The following ARMH1 variants were observed in gnomAD, a reference collection of about 807,000 sequenced individuals.
ARMH1 encodes armadillo like helical domain containing 1, also known as armadillo-like helical domain containing protein 1.
A neutral mutation model predicts 50.2 loss-of-function variants in ARMH1; 34 were observed. The observed-to-expected ratio is 0.68, with a 90% confidence interval of 0.51 to 0.90. ARMH1 has a LOEUF of 0.90. Ranked by LOEUF, ARMH1 falls within the 40% of genes least tolerant of loss-of-function variation. The probability of loss-of-function intolerance (pLI) is 0.00; values close to 1 mark genes in which losing one functional copy is unlikely to be tolerated. For missense variants in ARMH1, 538 were observed against 553.9 expected (o/e 0.97, Z 0.29); for synonymous variants, 221 against 224.2 (o/e 0.99, Z 0.13).
rs1645318135 is a variant in ARMH1 at position 44,681,652 on chromosome 1, A to T, written c.-23+6779A>T. ...AGCTCTGGTAGATGGCTAGAGAAGG[A>T]GAGGAGAAGGATGGATGTGGATAGA... On this transcript the variant is annotated intron_variant, in intron 1 of 11. Coordinates refer to ENST00000535358, the MANE Select transcript of ARMH1 (RefSeq NM_001145636.2). This position sits in a 1 kb window ranked among gnomAD's most constrained non-coding sequence, Gnocchi z 4.3. 6.6e-6 allele frequency among the ~76,000 whole-genome samples: 1 copy of T among 152,068 alleles called. No homozygotes were observed. Among genetic ancestry groups the T allele is most frequent in the Non-Finnish European group, 1.5e-5 (1 of 68,000 alleles).
At chr1:44,687,822 G>C (rs1645524133) in intron 1 of ARMH1, among the ~76,000 whole-genome samples, 1 of 152,198 alleles carries the variant, frequency 6.6e-6, no homozygotes, top group Non-Finnish European at 1.5e-5. Flanking sequence ...TGTCTTCAAA[G>C]AAGATAGGGG....
intron 6 of ARMH1, among the ~76,000 whole-genome samples, chr1:44,723,092 AGCATTTAT>A (rs1647623381): frequency 6.7e-6 from 1 of 148,754 alleles, no homozygotes. Flanking sequence ...AAAAAAAGGT[AGCATTTAT>A]GCTGGTGTGC....
intron 1 of ARMH1, among the ~76,000 whole-genome samples, chr1:44,676,059 G>A (rs1645130100): frequency 6.6e-6 from 1 of 152,192 alleles, no homozygotes; most frequent in Non-Finnish European, 1.5e-5. Context: ...GATTATGGTG[G>A]CACAAAGCAT....
intron 6 of ARMH1, among the ~76,000 whole-genome samples, chr1:44,712,599 A>T (rs1316759883): frequency 2.0e-5 from 3 of 149,580 alleles, no homozygotes; most frequent in Non-Finnish European, 3.0e-5. Flanking sequence ...CCATATTTTT[A>T]AAATTATGTT....
chr1:44,690,317 C>T (rs753461667), intron 2 of ARMH1, among the ~76,000 whole-genome samples: 27 of 151,960 alleles, frequency 1.8e-4, no homozygotes, highest in Admixed American at 3.9e-4. Context: ...TTAGAACAGA[C>T]ATCTGGTGTT....
rs1645077916 is a variant in ARMH1, at chr1:44,674,866, G to A, written c.-30G>A. On this transcript the variant is annotated 5_prime_UTR_variant, in exon 1 of 12. Coordinates refer to ENST00000535358, the MANE Select transcript of ARMH1 (RefSeq NM_001145636.2). The stretch of plus-strand genomic sequence containing the variant: ...ATCCTCTACCAGCCGCAACTGCGAG[G>A]GCTGGAGGTATAAAACCGTACAAAA... 6.4e-6 allele frequency: 1 copy of A among 155,966 alleles called. No homozygotes were observed. The highest frequency in any genetic ancestry group is 1.7e-4 in the South Asian group (1 of 5,722). 9.7% of individuals were successfully genotyped at this position (155,966 alleles called of 1,614,324 possible). A position where few individuals can be genotyped will look rare whatever the true frequency, so the allele number is the denominator to read the frequency against.
chr1:44,680,254 G>T (rs1645264654), intron 1 of ARMH1, among the ~76,000 whole-genome samples: 2 of 152,234 alleles, frequency 1.3e-5, no homozygotes, highest in Admixed American at 6.5e-5. Context: ...TTGGCTCACT[G>T]CAGCCTCAGC....
intron 6 of ARMH1, among the ~76,000 whole-genome samples, chr1:44,719,677 A>T (rs1647004001): frequency 6.6e-6 from 1 of 152,194 alleles, no homozygotes; most frequent in Non-Finnish European, 1.5e-5. Context: ...AAACAAGTAA[A>T]GTTTGCAGGA....
chr1:44,681,693 G>A lies in ARMH1; in HGVS notation c.-23+6820G>A, dbSNP rs1473231196. Among the ~76,000 whole-genome samples, 1 of 151,996 alleles carries A rather than the reference G, an allele frequency of 6.6e-6. No homozygotes were observed. The highest frequency in any genetic ancestry group is 1.9e-4 in the East Asian group (1 of 5,192). Reference sequence around the variant, plus strand: ...TGTGGATAGAGATGAAGAAAGAAGAGGAGTATGACGACATTCTTACCTAAT... The same window carrying A: ...TGTGGATAGAGATGAAGAAAGAAGAAGAGTATGACGACATTCTTACCTAAT... On this transcript the variant is annotated intron_variant, in intron 1 of 11. Coordinates refer to ENST00000535358, the MANE Select transcript of ARMH1 (RefSeq NM_001145636.2). This position sits in a 1 kb window ranked among gnomAD's most constrained non-coding sequence, Gnocchi z 4.3.
chr1:44,710,083 G>A (rs76671967), intron 6 of ARMH1, among the ~76,000 whole-genome samples: 1,769 of 152,118 alleles, frequency 0.012, 49 homozygotes, highest in African/African-American at 0.039. Context: ...GCGAACTCTC[G>A]CACTAACACA....
At chr1:44,721,775 A>G (rs1262252617) in intron 6 of ARMH1, 2 of 152,162 alleles carry the variant, frequency 1.3e-5, no homozygotes, top group Admixed American at 6.6e-5. Context: ...CTCTTTAGTA[A>G]CAGAACATTC....
chr1:44,724,497 G>T lies in ARMH1; in HGVS notation c.921-42G>T. On this transcript the variant is annotated intron_variant, in intron 8 of 11. Coordinates refer to ENST00000535358, the MANE Select transcript of ARMH1 (RefSeq NM_001145636.2). The surrounding 1 kb of genome is among the most constrained non-coding windows in gnomAD (Gnocchi z 6.4). ...CCGGGTGGGCGGGGGTGTGCGCCGGGTGAGCCCCAGGGCGTCGCCCCAGCC... is the reference window on the plus strand; with the variant it reads ...CCGGGTGGGCGGGGGTGTGCGCCGGTTGAGCCCCAGGGCGTCGCCCCAGCC... The T allele has an allele frequency of 1.3e-6, 2 of 1,512,144 alleles. No individual in the cohort carries two copies. Among genetic ancestry groups the T allele is most frequent in the Non-Finnish European group, 1.8e-6 (2 of 1,133,648 alleles). The allele number at this position is 1,512,144 out of a possible 1,614,324, so 93.7% of individuals were successfully genotyped here.
At chr1:44,698,495 G>T (rs141431319) in intron 4 of ARMH1, among the ~76,000 whole-genome samples, 1,535 of 152,244 alleles carry the variant, frequency 0.01, 27 homozygotes, top group African/African-American at 0.035. Flanking sequence ...TTGTTGAGCT[G>T]TGGCCCAATA....
chr1:44,724,155 A>G lies in ARMH1; in HGVS notation c.758A>G (p.Asp253Gly). Residue 253 changes from aspartate to glycine, a missense_variant, in exon 7 of 12, where the codon GAT (aspartate) becomes GGT (glycine). Coordinates refer to ENST00000535358, the MANE Select transcript of ARMH1 (RefSeq NM_001145636.2). The surrounding 1 kb of genome is among the most constrained non-coding windows in gnomAD (Gnocchi z 6.4). ...IELIKDLVGY[D>G]VRQALLKGLV... is the part of the protein sequence containing the mutation. ...TTGATCAAAGACCTGGTCGGTTACG[A>G]TGTGCGCCAGGCGCTGCTCAAGGGC... is the stretch of plus-strand genomic sequence containing the variant. The G allele has an allele frequency of 6.4e-7, 1 of 1,551,586 alleles. No homozygotes were observed. Among genetic ancestry groups the G allele is most frequent in the African/African-American group, 1.4e-5 (1 of 73,132 alleles).
At chr1:44,721,752 C>T (rs994825174) in intron 6 of ARMH1, 3 of 152,168 alleles carry the variant, frequency 2.0e-5, no homozygotes, top group South Asian at 2.1e-4. Flanking sequence ...TGAAACACCC[C>T]ACCCACACGT....
intron 6 of ARMH1, among the ~76,000 whole-genome samples, chr1:44,716,785 C>A (rs1219261531): frequency 6.6e-6 from 1 of 152,156 alleles, no homozygotes; most frequent in South Asian, 2.1e-4. Flanking sequence ...TAGTCCACCA[C>A]CAGAGTGGAG....
chr1:44,703,912 G>A (rs1056180960), intron 5 of ARMH1, among the ~76,000 whole-genome samples, 177 bp from the exon 6 acceptor site: 3 of 151,320 alleles, frequency 2.0e-5, no homozygotes, highest in Non-Finnish European at 2.9e-5. Context: ...ATTTTTAGTA[G>A]AGACAGTGTT....
chr1:44,700,864 G>A (rs1646052563), intron 4 of ARMH1, 59 bp from the exon 5 acceptor site: 1 of 1,401,318 alleles, frequency 7.1e-7, no homozygotes, highest in Non-Finnish European at 9.6e-7. Context: ...ATATAATCTT[G>A]AGTGGGGATT....
chr1:44,717,927 T>C (rs1646919010), intron 6 of ARMH1, among the ~76,000 whole-genome samples: 1 of 152,246 alleles, frequency 6.6e-6, no homozygotes, highest in Admixed American at 6.5e-5. Context: ...TACTTTCACT[T>C]TGGGTATAAA....
Sources: gnomAD v4.1 joint callset for allele counts (sites outside exome capture counted in the v4.1 genomes callset) on GRCh38, gnomAD v4.1.1 for gene constraint, Gnocchi (gnomAD v3.1) non-coding constraint, MANE v1.5 for transcripts, NCBI Gene and HGNC (gene_info 2026-07-23, HGNC 2026-07-21) for gene names.